OR51B5: variants seen among roughly 807,000 people sequenced by gnomAD.
The protein encoded by OR51B5 is olfactory receptor family 51 subfamily B member 5.
For missense variants in OR51B5, 456 were observed against 374.6 expected, an observed-to-expected ratio of 1.22 and a Z score of -1.79; for synonymous variants, 186 against 144.8, an observed-to-expected ratio of 1.28 and a Z score of -2.04.
intron 1 of OR51B5, among the ~76,000 whole-genome samples, chr11:5,433,427 C>A (rs1332498263): frequency 6.6e-6 from 1 of 152,186 alleles, no homozygotes; most frequent in Non-Finnish European, 1.5e-5. Context: ...TTCCAATCAC[C>A]AGTTCACACA....
At chr11:5,501,276 C>A (rs1846289895) in intron 1 of OR51B5, among the ~76,000 whole-genome samples, 2 of 147,766 alleles carry the variant, frequency 1.4e-5, no homozygotes, top group African/African-American at 4.9e-5. Context: ...GAACTCCCAC[C>A]AAAAGAGGAA....
chr11:5,404,488 G>A (rs955127327), intron 1 of OR51B5, among the ~76,000 whole-genome samples: 1 of 151,524 alleles, frequency 6.6e-6, no homozygotes, highest in Non-Finnish European at 1.5e-5. Context: ...CCACCGATCA[G>A]CACTCTGTAA....
intron 1 of OR51B5, among the ~76,000 whole-genome samples, chr11:5,475,137 C>T (rs1376737735): frequency 6.6e-6 from 1 of 152,168 alleles, no homozygotes; most frequent in Non-Finnish European, 1.5e-5. Flanking sequence ...CAAATATCAA[C>T]ATTTCAATAA....
chr11:5,464,966 G>A (rs1237103005), intron 1 of OR51B5, among the ~76,000 whole-genome samples: 4 of 152,104 alleles, frequency 2.6e-5, no homozygotes, highest in African/African-American at 9.7e-5. Context: ...CAGCACTTTG[G>A]GAGGCCGAGG....
chr11:5,379,025 C>T (rs567021678), intron 1 of OR51B5, among the ~76,000 whole-genome samples: 18 of 150,542 alleles, frequency 1.2e-4, no homozygotes, highest in South Asian at 6.4e-4. Context: ...ATGTTTATTG[C>T]GGTACTATTC....
intron 1 of OR51B5, among the ~76,000 whole-genome samples, chr11:5,354,306 G>T (rs1239761361): frequency 1.3e-5 from 2 of 152,122 alleles, no homozygotes; most frequent in Non-Finnish European, 2.9e-5. Context: ...CACCCTCTAG[G>T]TCCAGTGATC....
At chr11:5,418,608 CT>C (rs1191063961) in intron 1 of OR51B5, among the ~76,000 whole-genome samples, 1 of 151,912 alleles carries the variant, frequency 6.6e-6, no homozygotes, top group African/African-American at 2.4e-5. Flanking sequence ...AACCATCATT[CT>C]CAGCAAAATA....
At chr11:5,497,261 C>T (rs1851664254) in intron 1 of OR51B5, among the ~76,000 whole-genome samples, 1 of 152,126 alleles carries the variant, frequency 6.6e-6, no homozygotes, top group Non-Finnish European at 1.5e-5. Flanking sequence ...CCCGTCTCTA[C>T]TAAAAATACA....
intron 1 of OR51B5, among the ~76,000 whole-genome samples, chr11:5,361,518 AGT>A (rs1849283347): frequency 6.6e-6 from 1 of 152,300 alleles, no homozygotes; most frequent in African/African-American, 2.4e-5. Context: ...AAAGAACTCC[AGT>A]GTGTCTTGGC....
At chr11:5,354,221 G>T (rs939579082) in intron 1 of OR51B5, among the ~76,000 whole-genome samples, 2 of 152,138 alleles carry the variant, frequency 1.3e-5, no homozygotes, top group Non-Finnish European at 2.9e-5. Flanking sequence ...ACTTAATCCT[G>T]TTCTTTCTTC....
At chr11:5,390,462 T>C in intron 1 of OR51B5, 1 of 1,214,936 alleles carries the variant, frequency 8.2e-7, no homozygotes, top group African/African-American at 1.5e-5. Flanking sequence ...GTATATAGCA[T>C]GCTCTTAAAG....
chr11:5,500,098 A>C (rs1397579896), intron 1 of OR51B5, among the ~76,000 whole-genome samples: 1 of 152,208 alleles, frequency 6.6e-6, no homozygotes, highest in Non-Finnish European at 1.5e-5. Context: ...GGACACAGTG[A>C]CCAAATTATG....
chr11:5,479,289 T>C (rs937761444), intron 1 of OR51B5, among the ~76,000 whole-genome samples: 25 of 150,540 alleles, frequency 1.7e-4, no homozygotes, highest in African/African-American at 5.4e-4. Flanking sequence ...AGAAATAAAA[T>C]ACTTTACAGA....
chr11:5,404,457 C>T (rs778744150), intron 1 of OR51B5, among the ~76,000 whole-genome samples: 5 of 152,144 alleles, frequency 3.3e-5, no homozygotes, highest in Non-Finnish European at 5.9e-5. Context: ...GTAAACACAC[C>T]ATTCAGCACT....
chr11:5,390,008 A>G, intron 1 of OR51B5: 1 of 1,613,302 alleles, frequency 6.2e-7, no homozygotes, highest in Non-Finnish European at 8.5e-7. Context: ...CTGCACAGAT[A>G]TCACCTTCAA....
chr11:5,402,105 G>A (rs1849979615), intron 1 of OR51B5, among the ~76,000 whole-genome samples: 1 of 151,838 alleles, frequency 6.6e-6, no homozygotes, highest in Admixed American at 6.6e-5. Flanking sequence ...TTTGCCTTCT[G>A]GGCCCAAGTG....
chr11:5,381,280 C>A (rs1246492768), intron 1 of OR51B5, among the ~76,000 whole-genome samples: 1 of 152,118 alleles, frequency 6.6e-6, no homozygotes, highest in Non-Finnish European at 1.5e-5. Flanking sequence ...GATTTAGATT[C>A]TTTAATAATG....
At chr11:5,456,728 C>T (rs1850966323) in intron 1 of OR51B5, among the ~76,000 whole-genome samples, 1 of 152,122 alleles carries the variant, frequency 6.6e-6, no homozygotes, top group African/African-American at 2.4e-5. Flanking sequence ...GAGCATATGA[C>T]ATTTCCTGCC....
rs544096449 is a variant in OR51B5, at chr11:5,393,084, A to C, written n.85-46174T>G. On this transcript the variant is annotated intron_variant and non_coding_transcript_variant, in intron 1 of 4. Transcript: ENST00000415970. ...TCTGTGTCTCAGAAATGCCACTTCTAAAAATCTGTCCTAAATAAATGATAA... is the reference window on the plus strand; with the variant it reads ...TCTGTGTCTCAGAAATGCCACTTCTCAAAATCTGTCCTAAATAAATGATAA... 2.6e-5 allele frequency: 4 copies of C among 152,336 alleles called. No individual in the cohort carries two copies. In the East Asian group the frequency reaches 7.7e-4, roughly 29 times the overall value. 9.4% of individuals were successfully genotyped at this position (152,336 alleles called of 1,614,324 possible).
Sources: gnomAD v4.1 joint callset for allele counts (sites outside exome capture counted in the v4.1 genomes callset) on GRCh38, gnomAD v4.1.1 for gene constraint, MANE v1.5 for transcripts, NCBI Gene and HGNC (gene_info 2026-07-23, HGNC 2026-07-21) for gene names.